The following AGO1 variants were observed in gnomAD, a reference collection of about 807,000 sequenced individuals.
The protein encoded by AGO1 is argonaute RISC component 1.
AGO1 carries 11 observed loss-of-function variants against 109.2 expected under a neutral mutation model. That is an observed-to-expected ratio of 0.10 (90% CI 0.06 to 0.17). The LOEUF (loss-of-function observed/expected upper bound fraction) is 0.17. Among genes scored for constraint, AGO1 ranks in the 10% least tolerant of loss-of-function variants. The pLI, the probability that AGO1 is intolerant of heterozygous loss-of-function variation, is 1.00. For synonymous variants in AGO1, 422 were observed against 418.6 expected (o/e 1.01, Z -0.10); for missense variants, 574 against 1,140.3 (o/e 0.50, Z 7.15).
upstream of AGO1, among the ~76,000 whole-genome samples, chr1:35,881,011 A>AG (rs1403535954): frequency 6.6e-6 from 1 of 152,198 alleles, no homozygotes; most frequent in East Asian, 1.9e-4. Flanking sequence ...CAACCGAATG[A>AG]GGTAGGTACT....
rs767471441 is a variant in AGO1, at chr1:35,915,307, G to A, written c.1834-41G>A. 141 of 1,575,074 alleles carry A rather than the reference G, an allele frequency of 9.0e-5. No individual in the cohort carries two copies. The Admixed American group carries it at 2.3e-3, about 26-fold the overall frequency. ...ACAAACCCATAGCCTGACAGTGAAG[G>A]TGAAGGTTCTAGGAGCTAATCCTTT... On this transcript the variant is annotated intron_variant, in intron 14 of 18. Transcript: ENST00000373204.
rs549014350 is a variant in AGO1, at chr1:35,924,650, G to A, written c.*5043G>A. ...GGAGGAAGGGACAGATTTGAGAGAC[G>A]AGGTAGAATTAATAGGACTCGATGG... On this transcript the variant is annotated 3_prime_UTR_variant, in exon 19 of 19. Transcript: ENST00000373204. 6 of 152,310 alleles carry A rather than the reference G, an allele frequency of 3.9e-5. No individual in the cohort carries two copies. Among genetic ancestry groups the A allele is most frequent in the East Asian group, 1.9e-4 (1 of 5,182 alleles). 9.4% of individuals were successfully genotyped at this position (152,310 alleles called of 1,614,324 possible).
In AGO1 at chr1:35,893,120, T is replaced by C; in HGVS notation, c.354T>C (p.Pro118=). Reference sequence around the variant, plus strand: ...AGGTCGACTTTGAGGTGACAATCCCTGGGGAAGGGAAGGATCGAATCTTTA... The same window carrying C: ...AGGTCGACTTTGAGGTGACAATCCCCGGGGAAGGGAAGGATCGAATCTTTA... The part of the protein sequence containing the change: ...NERVDFEVTI[P]GEGKDRIFKV... Residue 118 remains proline, a synonymous_variant, in exon 4 of 19, where the codon CCT becomes CCC. Coordinates refer to ENST00000373204, the MANE Select transcript of AGO1 (RefSeq NM_012199.5). The surrounding 1 kb of genome is among the most constrained non-coding windows in gnomAD (Gnocchi z 5.6). The C allele has an allele frequency of 6.2e-7, 1 of 1,614,116 alleles. No individual in the cohort carries two copies. Among genetic ancestry groups the C allele is most frequent in the Non-Finnish European group, 8.5e-7 (1 of 1,179,998 alleles).
In AGO1 at chr1:35,914,631, T is replaced by A. The variant is rs149705036; in HGVS notation, c.1833+357T>A. Among the ~76,000 whole-genome samples the A allele has an allele frequency of 3.9e-5, 6 of 152,340 alleles. No homozygotes were observed. The East Asian group carries it at 1.2e-3, about 29-fold the overall frequency. On this transcript the variant is annotated intron_variant, in intron 14 of 18. Coordinates refer to ENST00000373204, the MANE Select transcript of AGO1 (RefSeq NM_012199.5). ...CTTAGTTGCGAGGACTATCCTTTGC[T>A]CTGCCCATCCTCACCCCGATCTGTA...
In AGO1 at chr1:35,907,139, G is replaced by C. The variant is rs1645536740; in HGVS notation, c.1582+20G>C. The stretch of plus-strand genomic sequence containing the variant: ...TGTATGGTACAGTTCTCTTGGGACA[G>C]TGATAATGGTGATAGGACTCTTCTC... On this transcript the variant is annotated intron_variant, in intron 12 of 18. Coordinates refer to ENST00000373204, the MANE Select transcript of AGO1 (RefSeq NM_012199.5). 2 of 1,594,042 alleles carry C rather than the reference G, an allele frequency of 1.3e-6. No homozygotes were observed. Among genetic ancestry groups the C allele is most frequent in the African/African-American group, 2.7e-5 (2 of 74,522 alleles).
upstream of AGO1, among the ~76,000 whole-genome samples, chr1:35,881,175 A>G (rs1468226006): frequency 6.6e-6 from 1 of 152,194 alleles, no homozygotes; most frequent in Non-Finnish European, 1.5e-5. Flanking sequence ...TCGTATGTAA[A>G]GCAGTAATTC....
At chr1:35,909,925 A>G (rs12751941) in intron 12 of AGO1, among the ~76,000 whole-genome samples, 22,365 of 151,920 alleles carry the variant, frequency 0.15, 2,099 homozygotes, top group Non-Finnish European at 0.23. Flanking sequence ...GGAAAATCCA[A>G]TGTTTTGGCT....
chr1:35,902,481 A>G (rs1645435477), intron 11 of AGO1, 144 bp downstream of exon 11: 1 of 1,134,712 alleles, frequency 8.8e-7, no homozygotes, highest in Non-Finnish European at 1.2e-6. Context: ...TCAAACTTCT[A>G]CCAATTCTTT....
chr1:35,907,063 C>G lies in AGO1; in HGVS notation c.1526C>G (p.Thr509Ser), dbSNP rs143395835. 6.2e-7 allele frequency: 1 copy of G among 1,614,090 alleles called. No individual in the cohort carries two copies. The highest frequency in any genetic ancestry group is 1.3e-5 in the African/African-American group (1 of 75,010). The change falls in exon 12 of 19, where the codon ACC becomes AGC. Residue 509 changes from threonine to serine, a missense_variant. Thr to Ser is a moderately conservative substitution (Grantham distance 58). This residue lies in a region of AGO1 where 68 missense variants were observed against 200.2 expected (regional missense o/e 0.34). Transcript: ENST00000373204. ...CCTATGTTCCGGCATCTCAAGAACACCTACTCAGGGCTGCAGCTCATTATT... is the reference window on the plus strand; with the variant it reads ...CCTATGTTCCGGCATCTCAAGAACAGCTACTCAGGGCTGCAGCTCATTATT... Reference protein sequence around the residue: ...VEPMFRHLKNTYSGLQLIIVI... With the variant: ...VEPMFRHLKNSYSGLQLIIVI...
rs976389235 is a variant in AGO1 at position 35,888,327 on chromosome 1, A to G, written c.26-100A>G. ...GGGTAGCAGGAAAGAGGCATTCTCT[A>G]TACTCTCGTGTTCCTGTTCTGGGAG... On this transcript the variant is annotated intron_variant, in intron 1 of 18. Transcript: ENST00000373204. The surrounding 1 kb of genome is among the most constrained non-coding windows in gnomAD (Gnocchi z 4.1). 5 of 1,266,012 alleles carry G rather than the reference A, an allele frequency of 3.9e-6. No individual in the cohort carries two copies. The highest frequency in any genetic ancestry group is 3.0e-5 in the African/African-American group (2 of 67,252). 78.4% of individuals were successfully genotyped at this position (1,266,012 alleles called of 1,614,324 possible).
At chr1:35,898,278 A>G (rs1056901920) in intron 8 of AGO1, among the ~76,000 whole-genome samples, 6 of 149,782 alleles carry the variant, frequency 4.0e-5, no homozygotes, top group Admixed American at 6.7e-5. Context: ...TTTTTTTGAG[A>G]CGGAGTATCG....
intron 1 of AGO1, among the ~76,000 whole-genome samples, chr1:35,874,418 C>T (rs1644977411): frequency 6.6e-6 from 1 of 152,190 alleles, no homozygotes; most frequent in East Asian, 1.9e-4. Context: ...CTCAAGTGAT[C>T]CTCCTGCCTT....
chr1:35,905,418 A>G (rs1168068549), intron 11 of AGO1, among the ~76,000 whole-genome samples: 1 of 152,154 alleles, frequency 6.6e-6, no homozygotes, highest in African/African-American at 2.4e-5. Flanking sequence ...TCCTTTTTTA[A>G]ATGTAAATAT....
intron 15 of AGO1, 51 bp from the exon 16 acceptor site, chr1:35,917,542 C>G: frequency 1.3e-6 from 2 of 1,584,124 alleles, no homozygotes; most frequent in Non-Finnish European, 1.7e-6. Context: ...TATGTGAACT[C>G]AAGAGGAACT....
At chr1:35,896,092 C>T (rs554390326) in intron 8 of AGO1, among the ~76,000 whole-genome samples, 4 of 152,086 alleles carry the variant, frequency 2.6e-5, no homozygotes, top group East Asian at 1.9e-4. Context: ...CTCTGCCTCC[C>T]GGGTTCAAGT....
chr1:35,884,603 G>T (rs1645089653), intron 1 of AGO1, among the ~76,000 whole-genome samples: 2 of 152,132 alleles, frequency 1.3e-5, no homozygotes, highest in African/African-American at 4.8e-5. Flanking sequence ...AACTGTCAGG[G>T]CTGTCTTTAG....
Position 35,888,698 on chromosome 1 carries a change from G to A in AGO1, c.209+88G>A, listed in dbSNP as rs1007673092. On this transcript the variant is annotated intron_variant, in intron 2 of 18. Transcript: ENST00000373204. The surrounding 1 kb of genome is among the most constrained non-coding windows in gnomAD (Gnocchi z 4.1). ...AAGGTAAAAGAAAAACCAGTAGAGGGTAGTATCACCAAATCTAAGGAAGTT... is the reference window on the plus strand; with the variant it reads ...AAGGTAAAAGAAAAACCAGTAGAGGATAGTATCACCAAATCTAAGGAAGTT... 1 of 1,439,662 alleles carries A rather than the reference G, an allele frequency of 6.9e-7. No homozygotes were observed. The allele number at this position is 1,439,662 out of a possible 1,614,324, so 89.2% of individuals were successfully genotyped here.
chr1:35,926,370 C>T lies in AGO1; in HGVS notation c.*6763C>T, dbSNP rs905089140. On this transcript the variant is annotated 3_prime_UTR_variant, in exon 19 of 19. Coordinates refer to ENST00000373204, the MANE Select transcript of AGO1 (RefSeq NM_012199.5). The stretch of plus-strand genomic sequence containing the variant: ...TTTCATTACTGGTTGAGCATCCTTC[C>T]TTCTGCTCTGTCAATTGGCAAAATA... The T allele has an allele frequency of 1.1e-4, 16 of 152,156 alleles. No homozygotes were observed. The highest frequency in any genetic ancestry group is 1.6e-4 in the Non-Finnish European group (11 of 68,066). The allele number at this position is 152,156 out of a possible 1,614,324, so 9.4% of individuals were successfully genotyped here.
chr1:35,890,487 C>T (rs1287127703), intron 2 of AGO1, among the ~76,000 whole-genome samples: 2 of 152,006 alleles, frequency 1.3e-5, no homozygotes, highest in African/African-American at 2.4e-5. Context: ...TATTACATAC[C>T]GGCACATATG....
Sources: allele counts gnomAD v4.1 joint callset (sites outside exome capture counted in the v4.1 genomes callset), GRCh38; gene constraint gnomAD v4.1.1; regional missense constraint gnomAD v4.1.1; non-coding constraint Gnocchi (gnomAD v3.1); transcripts MANE v1.5; gene names NCBI Gene and HGNC (gene_info 2026-07-23, HGNC 2026-07-21).